The following AUH variants were observed in gnomAD, a reference collection of about 807,000 sequenced individuals.
AUH encodes the protein methylglutaconyl-CoA hydratase, mitochondrial.
AUH carries 29 observed loss-of-function variants against 42.3 expected under a neutral mutation model. The observed-to-expected ratio is 0.69, with a 90% CI of 0.51 to 0.93. The LOEUF (loss-of-function observed/expected upper bound fraction) is 0.93, where lower values mean the gene tolerates loss of function less well. Ranked by LOEUF, AUH falls within the 40% of genes least tolerant of loss-of-function variation. AUH has a pLI of 0.00. For synonymous variants in AUH, 174 were observed against 166.4 expected (o/e 1.05, Z -0.35); for missense variants, 452 against 438.1 (o/e 1.03, Z -0.28).
At chr9:91,312,779 C>G (rs1437888706) in intron 4 of AUH, among the ~76,000 whole-genome samples, 1 of 152,100 alleles carries the variant, frequency 6.6e-6, no homozygotes, top group African/African-American at 2.4e-5. Flanking sequence ...CACCTGGAGT[C>G]AGTGTGAGCA....
chr9:91,315,142 T>C (rs1406789712), intron 4 of AUH, among the ~76,000 whole-genome samples: 1 of 152,218 alleles, frequency 6.6e-6, no homozygotes, highest in African/African-American at 2.4e-5. Flanking sequence ...TTTCACCACG[T>C]TGGCCAGGCT....
chr9:91,241,170 C>A (rs1310036058), intron 6 of AUH, among the ~76,000 whole-genome samples: 1 of 152,094 alleles, frequency 6.6e-6, no homozygotes, highest in Non-Finnish European at 1.5e-5. Flanking sequence ...AACACCTATC[C>A]CAGGTACATG....
At chr9:91,275,695 C>G (rs1564056214) in intron 6 of AUH, among the ~76,000 whole-genome samples, 1 of 152,166 alleles carries the variant, frequency 6.6e-6, no homozygotes, top group Non-Finnish European at 1.5e-5. Flanking sequence ...AACTTATCAC[C>G]CAAAAGGATG....
At chr9:91,255,829 A>G (rs984979428) in intron 6 of AUH, among the ~76,000 whole-genome samples, 1 of 152,164 alleles carries the variant, frequency 6.6e-6, no homozygotes, top group African/African-American at 2.4e-5. Flanking sequence ...TTTATAATCA[A>G]AAGTATAATG....
intron 6 of AUH, among the ~76,000 whole-genome samples, chr9:91,286,448 A>G (rs765853704): frequency 6.6e-6 from 1 of 152,054 alleles, no homozygotes; most frequent in Non-Finnish European, 1.5e-5. Flanking sequence ...TAGTCAGCCA[A>G]TGGTAATTAC....
chr9:91,346,288 C>T (rs980257075), intron 3 of AUH, among the ~76,000 whole-genome samples: 5 of 152,226 alleles, frequency 3.3e-5, no homozygotes, highest in Non-Finnish European at 2.9e-5. Context: ...TGAGCTCAGT[C>T]GCCAATGGCT....
chr9:91,267,877 T>C lies in AUH; in HGVS notation c.655+28144A>G, dbSNP rs377625250. 1.6e-4 allele frequency among the ~76,000 whole-genome samples: 24 copies of C among 152,290 alleles called. No individual in the cohort carries two copies. The East Asian group carries it at 3.9e-3, about 25-fold the overall frequency. On this transcript the variant is annotated intron_variant, in intron 6 of 9. Transcript: ENST00000375731. The stretch of plus-strand genomic sequence containing the variant: ...ACTACCACCTTTTCCATATGAGTTG[T>C]TGGAAGATGACAACGCGGATTTGCT...
chr9:91,302,374 G>C (rs540035499), intron 4 of AUH, among the ~76,000 whole-genome samples: 1 of 152,156 alleles, frequency 6.6e-6, no homozygotes, highest in South Asian at 2.1e-4. Context: ...CAGATCACCT[G>C]AGGCCAGGAG....
At chr9:91,350,755 T>C (rs1246844547) in intron 3 of AUH, among the ~76,000 whole-genome samples, 1 of 137,366 alleles carries the variant, frequency 7.3e-6, no homozygotes, top group Non-Finnish European at 1.6e-5. Flanking sequence ...CATGATTTCA[T>C]CTCAAAAAAA....
At chr9:91,238,685 T>C (rs1237015930) in intron 6 of AUH, among the ~76,000 whole-genome samples, 2 of 152,224 alleles carry the variant, frequency 1.3e-5, no homozygotes, top group African/African-American at 4.8e-5. Flanking sequence ...TGAGAAGACA[T>C]CAAGAATTTT....
chr9:91,305,593 C>A (rs1013371128), intron 4 of AUH, among the ~76,000 whole-genome samples: 2 of 152,156 alleles, frequency 1.3e-5, no homozygotes, highest in African/African-American at 4.8e-5. Context: ...TTTTTCTAAG[C>A]CTATCATTTC....
intron 3 of AUH, among the ~76,000 whole-genome samples, chr9:91,349,508 G>A (rs73497191): frequency 0.014 from 2,132 of 152,246 alleles, 54 homozygotes; most frequent in African/African-American, 0.047. Flanking sequence ...AACAGATGAC[G>A]GTGATTTCAC....
At chr9:91,259,455 G>T (rs1829590479) in intron 6 of AUH, among the ~76,000 whole-genome samples, 1 of 151,222 alleles carries the variant, frequency 6.6e-6, no homozygotes, top group Non-Finnish European at 1.5e-5. Context: ...CATTTTCAAA[G>T]AATCAGCTTT....
intron 6 of AUH, among the ~76,000 whole-genome samples, chr9:91,277,862 A>G (rs1825667015): frequency 2.0e-5 from 3 of 152,210 alleles, no homozygotes; most frequent in Non-Finnish European, 4.4e-5. Flanking sequence ...AGGTAGCAAT[A>G]TTACTTTTGT....
intron 4 of AUH, chr9:91,306,377 A>C: frequency 1.0e-6 from 1 of 985,428 alleles, no homozygotes; most frequent in Non-Finnish European, 1.2e-6. Flanking sequence ...CACATTTAAC[A>C]AAACTCTTGG....
At chr9:91,240,695 T>C (rs886422177) in intron 6 of AUH, among the ~76,000 whole-genome samples, 2 of 151,822 alleles carry the variant, frequency 1.3e-5, no homozygotes, top group South Asian at 2.1e-4. Flanking sequence ...ATTTAAATCA[T>C]TGCATGTGGT....
intron 6 of AUH, among the ~76,000 whole-genome samples, chr9:91,286,231 T>A (rs1455031634): frequency 6.6e-6 from 1 of 152,104 alleles, no homozygotes; most frequent in Non-Finnish European, 1.5e-5. Flanking sequence ...CTACACACAC[T>A]CACAGGATTT....
At chr9:91,340,356 G>A (rs1292261714) in intron 3 of AUH, among the ~76,000 whole-genome samples, 1 of 151,978 alleles carries the variant, frequency 6.6e-6, no homozygotes, top group Non-Finnish European at 1.5e-5. Context: ...GTCACAAAAA[G>A]GTAACAAACA....
At chr9:91,288,371 T>C (rs998775098) in intron 6 of AUH, among the ~76,000 whole-genome samples, 2 of 152,190 alleles carry the variant, frequency 1.3e-5, no homozygotes, top group East Asian at 1.9e-4. Flanking sequence ...AATTTTATTT[T>C]ATAATATTTG....
Sources: allele counts gnomAD v4.1 joint callset (sites outside exome capture counted in the v4.1 genomes callset), GRCh38; gene constraint gnomAD v4.1.1; transcripts MANE v1.5; gene names NCBI Gene and HGNC (gene_info 2026-07-23, HGNC 2026-07-21).